DENND1A: variants seen among roughly 807,000 people sequenced by gnomAD.
DENND1A encodes the protein DENN domain-containing protein 1A.
DENND1A carries 51 observed loss-of-function variants against 113.7 expected under a neutral mutation model. The ratio of observed to expected loss-of-function variants is 0.45; its 90% CI spans 0.36 to 0.57. The LOEUF is 0.57. DENND1A is among the 20% of genes least tolerant of loss of function. The pLI is 0.00. For missense variants in DENND1A, 1,258 were observed against 1,395.9 expected (o/e 0.90, Z 1.57); for synonymous variants, 565 against 570.8 (o/e 0.99, Z 0.14).
intron 2 of DENND1A, among the ~76,000 whole-genome samples, chr9:123,797,554 T>C (rs1444718091): frequency 7.9e-5 from 12 of 152,190 alleles, no homozygotes; most frequent in Non-Finnish European, 1.8e-4. Context: ...GACCGCAAAC[T>C]GGACTGCATT....
At chr9:123,772,530 G>A (rs1055332273) in intron 3 of DENND1A, among the ~76,000 whole-genome samples, 1 of 152,120 alleles carries the variant, frequency 6.6e-6, no homozygotes, top group Middle Eastern at 3.4e-3. Flanking sequence ...AACCAGCCTC[G>A]GTGCAACTTC....
At chr9:123,634,936 A>T (rs561389152) in intron 9 of DENND1A, among the ~76,000 whole-genome samples, 2 of 152,326 alleles carry the variant, frequency 1.3e-5, no homozygotes, top group East Asian at 3.9e-4. Flanking sequence ...TCTGTCCTCA[A>T]TTAAAGGTGC....
intron 13 of DENND1A, among the ~76,000 whole-genome samples, chr9:123,465,408 G>C (rs2048867179): frequency 6.7e-6 from 1 of 148,924 alleles, no homozygotes; most frequent in African/African-American, 2.5e-5. Context: ...GGTGGAGTGA[G>C]AATGTGGCTT....
At position 123,401,830 on chromosome 9, in the gene DENND1A, A is replaced by G. The variant is rs766813189; in HGVS notation, c.1631+1572T>C. 6.2e-6 allele frequency: 10 copies of G among 1,614,122 alleles called. No individual in the cohort carries two copies. In the East Asian group the frequency reaches 8.9e-5, roughly 14 times the overall value. On this transcript the variant is annotated intron_variant, in intron 21 of 23. Transcript: ENST00000394215. ...GTAAGTCAATGTGATGAAGAGGTCCAGCCTCTCGTCGGGAACTTGGCCGCA... is the reference window on the plus strand; with the variant it reads ...GTAAGTCAATGTGATGAAGAGGTCCGGCCTCTCGTCGGGAACTTGGCCGCA...
chr9:123,524,651 A>G (rs1449302062), intron 13 of DENND1A, among the ~76,000 whole-genome samples: 1 of 152,216 alleles, frequency 6.6e-6, no homozygotes, highest in Non-Finnish European at 1.5e-5. Flanking sequence ...GTGGCAGATG[A>G]ACCAGGGCGG....
chr9:123,847,157 T>C (rs1325219666), intron 2 of DENND1A, among the ~76,000 whole-genome samples: 6 of 152,088 alleles, frequency 3.9e-5, no homozygotes, highest in African/African-American at 1.2e-4. Context: ...TGGATGGTTT[T>C]AAAAGCAATT....
chr9:123,624,660 C>T (rs2061118268), intron 10 of DENND1A, among the ~76,000 whole-genome samples: 1 of 152,202 alleles, frequency 6.6e-6, no homozygotes, highest in Non-Finnish European at 1.5e-5. Context: ...AAAACTCAAC[C>T]TTAATTTTCT....
intron 5 of DENND1A, among the ~76,000 whole-genome samples, chr9:123,696,782 T>C (rs768180950): frequency 6.6e-5 from 10 of 152,196 alleles, no homozygotes; most frequent in Non-Finnish European, 1.3e-4. Context: ...ATGAACTCAT[T>C]AGACAGCGAA....
intron 5 of DENND1A, among the ~76,000 whole-genome samples, chr9:123,700,799 A>G (rs2065840254): frequency 6.6e-6 from 1 of 152,226 alleles, no homozygotes; most frequent in African/African-American, 2.4e-5. Flanking sequence ...AAGATTAACC[A>G]TCATAACATC....
chr9:123,634,327 A>T (rs1475527), intron 9 of DENND1A, among the ~76,000 whole-genome samples: 1 of 152,042 alleles, frequency 6.6e-6, no homozygotes, highest in African/African-American at 2.4e-5. Context: ...CATTTGATTA[A>T]GAAAACAAAC....
At chr9:123,846,458 C>G (rs1170113514) in intron 2 of DENND1A, among the ~76,000 whole-genome samples, 1 of 152,142 alleles carries the variant, frequency 6.6e-6, no homozygotes, top group Non-Finnish European at 1.5e-5. Flanking sequence ...AATTGTCCAT[C>G]AACAGATGAA....
At chr9:123,709,528 C>T (rs1422373997) in intron 5 of DENND1A, among the ~76,000 whole-genome samples, 1 of 152,250 alleles carries the variant, frequency 6.6e-6, no homozygotes, top group East Asian at 1.9e-4. Flanking sequence ...TCTTACCCTC[C>T]ACCCCTGATC....
At chr9:123,778,085 T>C (rs1182005286) in intron 3 of DENND1A, among the ~76,000 whole-genome samples, 1 of 152,094 alleles carries the variant, frequency 6.6e-6, no homozygotes, top group Non-Finnish European at 1.5e-5. Flanking sequence ...ATAAAGAAAT[T>C]ATATAATTCA....
chr9:123,552,103 G>C (rs1040163079), intron 13 of DENND1A, among the ~76,000 whole-genome samples: 1 of 150,228 alleles, frequency 6.7e-6, no homozygotes, highest in African/African-American at 2.5e-5. Flanking sequence ...GGAGCTCTGA[G>C]CCAGGGAAAA....
chr9:123,385,390 C>G (rs2042507519), intron 22 of DENND1A, among the ~76,000 whole-genome samples: 1 of 152,210 alleles, frequency 6.6e-6, no homozygotes, highest in Non-Finnish European at 1.5e-5. Flanking sequence ...GTCTCGAACT[C>G]CTGACCTCGT....
Position 123,625,342 on chromosome 9 carries a change from T to C in DENND1A, c.719+5034A>G, listed in dbSNP as rs28478336. Among the ~76,000 whole-genome samples the C allele has an allele frequency of 9.0e-3, 1,372 of 152,338 alleles. 21 individuals are homozygous for C. Among genetic ancestry groups the C allele is most frequent in the African/African-American group, 0.031 (1,293 of 41,568 alleles). On this transcript the variant is annotated intron_variant, in intron 10 of 23. Transcript: ENST00000394215. ...TGTTCAACAGTGGCAGCTATCTTCA[T>C]CACTTATGTTACTGACAGAGCATTT...
intron 11 of DENND1A, among the ~76,000 whole-genome samples, chr9:123,588,608 G>T: frequency 1.0e-5 from 1 of 97,928 alleles, no homozygotes; most frequent in African/African-American, 4.0e-5. Context: ...TGACAAGAGT[G>T]AAACTCCATC....
chr9:123,786,727 A>T (rs1273371345), intron 3 of DENND1A, among the ~76,000 whole-genome samples: 2 of 152,220 alleles, frequency 1.3e-5, no homozygotes, highest in African/African-American at 4.8e-5. Flanking sequence ...TTATAGAACC[A>T]TTTTAAAATG....
At chr9:123,546,359 TA>T (rs1171854913) in intron 13 of DENND1A, among the ~76,000 whole-genome samples, 1 of 151,658 alleles carries the variant, frequency 6.6e-6, no homozygotes, top group Non-Finnish European at 1.5e-5. Flanking sequence ...CCATCCTGGC[TA>T]ACACAGTGAA....
Sources: gnomAD v4.1 joint callset for allele counts (sites outside exome capture counted in the v4.1 genomes callset) on GRCh38, gnomAD v4.1.1 for gene constraint, MANE v1.5 for transcripts, NCBI Gene and HGNC (gene_info 2026-07-23, HGNC 2026-07-21) for gene names.